ADCY8: variants seen among roughly 807,000 people sequenced by gnomAD.
ADCY8 encodes adenylate cyclase 8.
In ADCY8, 51 loss-of-function variants were observed where a neutral mutation model predicts 119.7. The ratio of observed to expected loss-of-function variants is 0.43; its 90% CI spans 0.34 to 0.54. The LOEUF (loss-of-function observed/expected upper bound fraction) is 0.54. Ranked by LOEUF, ADCY8 falls within the 20% of genes least tolerant of loss-of-function variation. The probability of loss-of-function intolerance (pLI) is 0.03; values close to 1 mark genes in which losing one functional copy is unlikely to be tolerated. For missense variants in ADCY8, 1,383 were observed against 1,598.8 expected, an observed-to-expected ratio of 0.87 and a Z score of 2.30; for synonymous variants, 665 against 651.0, an observed-to-expected ratio of 1.02 and a Z score of -0.33.
chr8:130,909,878 G>A lies in ADCY8; in HGVS notation c.1482-12C>T, dbSNP rs1324668414. 2 of 1,613,616 alleles carry A rather than the reference G, an allele frequency of 1.2e-6. No individual in the cohort carries two copies. The highest frequency in any genetic ancestry group is 1.7e-6 in the Non-Finnish European group (2 of 1,179,726). On this transcript the variant is annotated splice_polypyrimidine_tract_variant and intron_variant, in intron 5 of 17. Coordinates refer to ENST00000286355, the MANE Select transcript of ADCY8 (RefSeq NM_001115.3). ...TTGACCGCACATACCTGTTGACATA[G>A]GTAAATGGAGAGACACATGTATAAG... is the stretch of plus-strand genomic sequence containing the variant.
At chr8:130,837,357 G>T (rs921983712) in intron 11 of ADCY8, among the ~76,000 whole-genome samples, 1 of 152,170 alleles carries the variant, frequency 6.6e-6, no homozygotes, top group East Asian at 1.9e-4. Context: ...GGGCCCTGTT[G>T]CTCGACTCTC....
chr8:130,907,553 C>A (rs1819828884), intron 6 of ADCY8, among the ~76,000 whole-genome samples: 1 of 151,950 alleles, frequency 6.6e-6, no homozygotes, highest in Admixed American at 6.6e-5. Flanking sequence ...GTTTTCAGTC[C>A]AAAATTACAG....
intron 14 of ADCY8, among the ~76,000 whole-genome samples, chr8:130,811,898 T>A (rs779055624): frequency 4.6e-5 from 7 of 152,270 alleles, no homozygotes; most frequent in Middle Eastern, 3.4e-3. Context: ...ACCAAACCCA[T>A]TCACATAATA....
At chr8:130,943,250 G>T in intron 4 of ADCY8, 101 bp downstream of exon 4, 5 of 800,994 alleles carry the variant, frequency 6.2e-6, no homozygotes, top group South Asian at 1.6e-5. Context: ...ATGCAGAATG[G>T]TAATGACATT....
intron 1 of ADCY8, among the ~76,000 whole-genome samples, chr8:131,014,427 T>C (rs1324150822): frequency 6.6e-6 from 1 of 152,190 alleles, no homozygotes; most frequent in Non-Finnish European, 1.5e-5. Flanking sequence ...TGGTGATTCA[T>C]ACCTAACACC....
rs141384066 is a variant in ADCY8 at position 130,973,960 on chromosome 8, A to G, written c.1110+16433T>C. 4.0e-3 allele frequency among the ~76,000 whole-genome samples: 609 copies of G among 152,358 alleles called. 7 individuals carry two copies. Among genetic ancestry groups the G allele is most frequent in the African/African-American group, 0.014 (594 of 41,584 alleles). ...TCAGAAATGAAGAAATTTGCTCAAG[A>G]GACTCAACAATGCAGATGACAGAAC... is the stretch of plus-strand genomic sequence containing the variant. On this transcript the variant is annotated intron_variant, in intron 2 of 17. Transcript: ENST00000286355.
At chr8:130,953,223 A>C (rs901319229) in intron 2 of ADCY8, among the ~76,000 whole-genome samples, 1 of 152,192 alleles carries the variant, frequency 6.6e-6, no homozygotes, top group Non-Finnish European at 1.5e-5. Flanking sequence ...ATGTGGAATT[A>C]TCTAGTTGAG....
intron 9 of ADCY8, among the ~76,000 whole-genome samples, chr8:130,856,169 G>A (rs1448351068): frequency 6.6e-6 from 1 of 151,778 alleles, no homozygotes; most frequent in Non-Finnish European, 1.5e-5. Context: ...GAGGCAAAAG[G>A]ACTACTTTTG....
chr8:130,994,523 T>A (rs991122615), intron 1 of ADCY8, among the ~76,000 whole-genome samples: 4 of 152,224 alleles, frequency 2.6e-5, no homozygotes, highest in African/African-American at 9.6e-5. Flanking sequence ...CACATTTGTA[T>A]AAGTTTATTT....
At chr8:130,979,239 C>A (rs967067222) in intron 2 of ADCY8, among the ~76,000 whole-genome samples, 1 of 152,152 alleles carries the variant, frequency 6.6e-6, no homozygotes, top group Non-Finnish European at 1.5e-5. Flanking sequence ...TGGGTGGGAG[C>A]CTTCATTGGA....
intron 1 of ADCY8, among the ~76,000 whole-genome samples, chr8:131,003,544 G>T (rs923194371): frequency 6.6e-6 from 1 of 152,124 alleles, no homozygotes; most frequent in Non-Finnish European, 1.5e-5. Flanking sequence ...GGGGACTTGG[G>T]GGAACGTCTG....
chr8:131,010,184 T>C (rs150797203), intron 1 of ADCY8, among the ~76,000 whole-genome samples: 375 of 152,314 alleles, frequency 2.5e-3, no homozygotes, highest in African/African-American at 8.7e-3. Context: ...ATATATGGAC[T>C]TTCTTATTTT....
In ADCY8 at chr8:131,039,466, T is replaced by G. The variant is rs1409919016; in HGVS notation, c.868A>C (p.Thr290Pro). The change falls in exon 1 of 18, where the codon ACC (threonine) becomes CCC (proline). Residue 290 changes from threonine (T) to proline (P), a missense_variant. Around this residue, in one of 2 missense-constraint regions of ADCY8, gnomAD observed 455 missense variants for 435.3 expected, o/e 1.05. Coordinates refer to ENST00000286355, the MANE Select transcript of ADCY8 (RefSeq NM_001115.3). ...ATYSMLPLPL[T>P]WAILAGLGTS... Reference sequence around the variant, plus strand: ...CCCAGGCCGGCCAGGATGGCCCAGGTGAGCGGCAGCGGCAGCATACTGTAG... The same window carrying G: ...CCCAGGCCGGCCAGGATGGCCCAGGGGAGCGGCAGCGGCAGCATACTGTAG... 4 of 1,614,006 alleles carry G rather than the reference T, an allele frequency of 2.5e-6. No individual in the cohort carries two copies. The highest frequency in any genetic ancestry group is 3.4e-6 in the Non-Finnish European group (4 of 1,180,012).
intron 15 of ADCY8, among the ~76,000 whole-genome samples, chr8:130,791,321 A>G (rs2130073733): frequency 6.6e-6 from 1 of 152,284 alleles, no homozygotes; most frequent in African/African-American, 2.4e-5. Context: ...CTCGGCCCTC[A>G]CCAGGAGCCC....
chr8:130,909,082 G>A (rs74590551), intron 6 of ADCY8, among the ~76,000 whole-genome samples: 2 of 151,404 alleles, frequency 1.3e-5, no homozygotes, highest in East Asian at 1.9e-4. Context: ...AGAAAGAGAG[G>A]CTGCAGAAAA....
At chr8:130,913,763 C>T (rs978515609) in intron 5 of ADCY8, among the ~76,000 whole-genome samples, 1 of 152,144 alleles carries the variant, frequency 6.6e-6, no homozygotes, top group Non-Finnish European at 1.5e-5. Context: ...TTGTTACTAT[C>T]CTGACTGGCA....
At chr8:130,982,277 C>A (rs1822263179) in intron 2 of ADCY8, among the ~76,000 whole-genome samples, 1 of 152,062 alleles carries the variant, frequency 6.6e-6, no homozygotes, top group Non-Finnish European at 1.5e-5. Context: ...TGGTGCTAAC[C>A]CTGATATAAA....
intron 5 of ADCY8, among the ~76,000 whole-genome samples, chr8:130,913,341 C>T (rs1471089895): frequency 6.6e-6 from 1 of 152,072 alleles, no homozygotes; most frequent in South Asian, 2.1e-4. Context: ...CCTAACCCCC[C>T]ACTACCCTTC....
intron 2 of ADCY8, among the ~76,000 whole-genome samples, chr8:130,959,773 G>A (rs1446902456): frequency 6.6e-6 from 1 of 152,200 alleles, no homozygotes; most frequent in Non-Finnish European, 1.5e-5. Flanking sequence ...TATGTGCAAA[G>A]GCCTGATTGA....
Sources: allele counts gnomAD v4.1 joint callset (sites outside exome capture counted in the v4.1 genomes callset), GRCh38; gene constraint gnomAD v4.1.1; regional missense constraint gnomAD v4.1.1; transcripts MANE v1.5; gene names NCBI Gene and HGNC (gene_info 2026-07-23, HGNC 2026-07-21).